FKBP1B: variants seen among roughly 807,000 people sequenced by gnomAD.
FKBP1B encodes FKBP prolyl isomerase 1B.
In FKBP1B, 4 loss-of-function variants were observed where a neutral mutation model predicts 13.5. The ratio of observed to expected loss-of-function variants is 0.30; its 90% confidence interval spans 0.15 to 0.68. The LOEUF (loss-of-function observed/expected upper bound fraction) is 0.68, where lower values mean the gene tolerates loss of function less well. FKBP1B is among the 30% of genes least tolerant of loss of function. FKBP1B has a pLI of 0.76. For synonymous variants in FKBP1B, 54 were observed against 53.6 expected (o/e 1.01, Z -0.03); for missense variants, 93 against 136.2 (o/e 0.68, Z 1.58).
chr2:24,042,535 CAAAAAAAAA>C, the FKBP1B span, among the ~76,000 whole-genome samples: 1 of 61,582 alleles, frequency 1.6e-5, no homozygotes, highest in East Asian at 5.5e-4. Context: ...TACTCCGTCT[CAAAAAAAAA>C]AAAAAAAAAA....
the FKBP1B span, among the ~76,000 whole-genome samples, chr2:24,036,985 T>C: frequency 2.6e-5 from 4 of 152,376 alleles, no homozygotes; most frequent in East Asian, 7.7e-4. Context: ...TGTTTGGACA[T>C]GCATGCATAA....
At chr2:24,039,553 AG>A in the FKBP1B span, 1 of 1,554,390 alleles carries the variant, frequency 6.4e-7, no homozygotes, top group East Asian at 2.3e-5. Context: ...TGAGAAATCT[AG>A]ACAAATCTAG....
chr2:24,048,520 G>A (rs75730227), upstream of FKBP1B, among the ~76,000 whole-genome samples: 1 of 148,122 alleles, frequency 6.8e-6, no homozygotes. Flanking sequence ...ATCTCGCTAT[G>A]TTACCCAGGC....
the FKBP1B span, chr2:24,038,944 C>G: frequency 6.2e-7 from 1 of 1,614,184 alleles, no homozygotes; most frequent in Non-Finnish European, 8.5e-7. Context: ...AGCGCTGTCC[C>G]AAATATAAGA....
Position 24,049,895 on chromosome 2 carries a change from C to A in FKBP1B, c.37+9C>A. On this transcript the variant is annotated intron_variant, in intron 1 of 3. Coordinates refer to ENST00000380986, the MANE Select transcript of FKBP1B (RefSeq NM_004116.5). ...CATCTCCCCCGGAGACGGTACCGGG[C>A]TCCCTCCGGAGCCAGGGGAGGGGAG... 1 of 1,407,892 alleles carries A rather than the reference C, an allele frequency of 7.1e-7. No homozygotes were observed. Among genetic ancestry groups the A allele is most frequent in the Non-Finnish European group, 9.3e-7 (1 of 1,079,754 alleles). 87.2% of individuals were successfully genotyped at this position (1,407,892 alleles called of 1,614,324 possible).
intron 1 of FKBP1B, 46 bp downstream of exon 1, chr2:24,049,932 C>T: frequency 7.5e-7 from 1 of 1,339,388 alleles, no homozygotes. Flanking sequence ...GGTCCCGGGG[C>T]GGAGCCCGGA....
At chr2:24,062,257 C>T (rs1426904284) in intron 3 of FKBP1B, among the ~76,000 whole-genome samples, 3 of 152,126 alleles carry the variant, frequency 2.0e-5, no homozygotes, top group Non-Finnish European at 2.9e-5. Flanking sequence ...ACTGCAACCT[C>T]CTCCTCCCAG....
chr2:24,053,805 G>A (rs1047072552), intron 1 of FKBP1B, 97 bp from the exon 2 acceptor site: 1 of 1,160,532 alleles, frequency 8.6e-7, no homozygotes, highest in African/African-American at 1.5e-5. Flanking sequence ...GGCATGGAGG[G>A]GAATGCAGGC....
At chr2:24,060,626 T>C (rs1298077008) in intron 2 of FKBP1B, among the ~76,000 whole-genome samples, 188 bp from the exon 3 acceptor site, 1 of 152,128 alleles carries the variant, frequency 6.6e-6, no homozygotes, top group African/African-American at 2.4e-5. Flanking sequence ...GACTTAGTGA[T>C]AGGCAGTATG....
At chr2:24,039,009 T>C in the FKBP1B span, 2 of 1,614,170 alleles carry the variant, frequency 1.2e-6, no homozygotes, top group Non-Finnish European at 1.7e-6. Flanking sequence ...GGGTCCAACA[T>C]GCACAGTGAA....
Position 24,063,213 on chromosome 2 carries a change from T to C in FKBP1B, c.*21T>C. On this transcript the variant is annotated 3_prime_UTR_variant, in exon 4 of 4. Coordinates refer to ENST00000380986, the MANE Select transcript of FKBP1B (RefSeq NM_004116.5). ...AGTGAAGGCAGGAAGGAACTCAAGG[T>C]GGCTGGAGATGGCTGCTGCTCACCC... is the stretch of plus-strand genomic sequence containing the variant. 1 of 1,556,198 alleles carries C rather than the reference T, an allele frequency of 6.4e-7. No homozygotes were observed. Among genetic ancestry groups the C allele is most frequent in the East Asian group, 2.3e-5 (1 of 44,314 alleles).
At chr2:24,043,422 G>A in the FKBP1B span, among the ~76,000 whole-genome samples, 1 of 152,102 alleles carries the variant, frequency 6.6e-6, no homozygotes, top group Non-Finnish European at 1.5e-5. Context: ...AAGGCAGAAG[G>A]ATCACTTGAG....
chr2:24,038,331 T>C, the FKBP1B span: 1 of 1,614,238 alleles, frequency 6.2e-7, no homozygotes. Context: ...ATATCCCTTT[T>C]GGTCTTTCAG....
At chr2:24,057,740 C>T (rs1045520087) in intron 2 of FKBP1B, among the ~76,000 whole-genome samples, 7 of 152,116 alleles carry the variant, frequency 4.6e-5, no homozygotes, top group African/African-American at 1.2e-4. Flanking sequence ...TGGTCTCAAA[C>T]TCCTGGGCTC....
At chr2:24,038,410 T>C in the FKBP1B span, 9 of 1,614,052 alleles carry the variant, frequency 5.6e-6, no homozygotes, top group Non-Finnish European at 7.6e-6. Flanking sequence ...CAAAATTATA[T>C]TACAAGTGTT....
At chr2:24,037,732 G>C in the FKBP1B span, 1 of 1,614,098 alleles carries the variant, frequency 6.2e-7, no homozygotes, top group African/African-American at 1.3e-5. Flanking sequence ...CACTGAAGAG[G>C]ATTTCTTCCC....
upstream of FKBP1B, among the ~76,000 whole-genome samples, chr2:24,045,557 C>T (rs1239659643): frequency 2.1e-5 from 3 of 142,744 alleles, no homozygotes; most frequent in Non-Finnish European, 4.5e-5. Flanking sequence ...GCCGAGTTTG[C>T]GCCACTGCAC....
chr2:24,049,988 C>A, intron 1 of FKBP1B, 102 bp downstream of exon 1: 1 of 906,824 alleles, frequency 1.1e-6, no homozygotes, highest in South Asian at 3.8e-5. Context: ...GCTGAAGGGT[C>A]GGGGGGCTGG....
the FKBP1B span, among the ~76,000 whole-genome samples, chr2:24,035,681 G>A: frequency 1.3e-5 from 2 of 152,050 alleles, no homozygotes; most frequent in Admixed American, 1.3e-4. Context: ...TTGGGAGGCT[G>A]AAGCAGGAGG....
Sources: gnomAD v4.1 joint callset for allele counts (sites outside exome capture counted in the v4.1 genomes callset) on GRCh38, gnomAD v4.1.1 for gene constraint, MANE v1.5 for transcripts, NCBI Gene and HGNC (gene_info 2026-07-23, HGNC 2026-07-21) for gene names.